The following NAALADL2 variants were observed in gnomAD, a reference collection of about 807,000 sequenced individuals.
The protein encoded by NAALADL2 is N-acetylated alpha-linked acidic dipeptidase like 2, also known as inactive N-acetylated-alpha-linked acidic dipeptidase-like protein 2.
NAALADL2 carries 76 observed loss-of-function variants against 87.2 expected under a neutral mutation model. The observed-to-expected ratio is 0.87, with a 90% CI of 0.72 to 1.05. NAALADL2 has a LOEUF of 1.05. NAALADL2 is among the 50% of genes least tolerant of loss of function. The pLI is 0.00. For missense variants in NAALADL2, 1,089 were observed against 945.8 expected, an observed-to-expected ratio of 1.15 and a Z score of -1.99; for synonymous variants, 354 against 331.0, an observed-to-expected ratio of 1.07 and a Z score of -0.75.
chr3:174,450,762 C>T (rs534345131), intron 1 of NAALADL2, among the ~76,000 whole-genome samples: 67 of 149,930 alleles, frequency 4.5e-4, no homozygotes, highest in African/African-American at 1.5e-3. Flanking sequence ...CCCAGCTACT[C>T]GGGAGGCTGA....
chr3:175,402,537 C>G (rs1334541336), intron 5 of NAALADL2, among the ~76,000 whole-genome samples: 15 of 152,016 alleles, frequency 9.9e-5, no homozygotes. Context: ...TACCTCCAGC[C>G]TCATCTATTT....
At chr3:175,004,497 G>T (rs1235416530) in intron 1 of NAALADL2, among the ~76,000 whole-genome samples, 1 of 151,748 alleles carries the variant, frequency 6.6e-6, no homozygotes, top group Non-Finnish European at 1.5e-5. Flanking sequence ...GTATTGTGGG[G>T]ATGCTACTGT....
At chr3:174,980,641 T>A (rs970883917) in intron 1 of NAALADL2, among the ~76,000 whole-genome samples, 2 of 152,208 alleles carry the variant, frequency 1.3e-5, no homozygotes. Flanking sequence ...ATAAATATAC[T>A]AATTAATGTT....
chr3:175,051,121 C>T lies in NAALADL2; in HGVS notation c.44-45669C>T, dbSNP rs116347574. On this transcript the variant is annotated intron_variant, in intron 1 of 13. Transcript: ENST00000454872. ...AATGGCATAAAAAATTTACTGGGTCCTGTAGATTGAGGATGGGAAATTTTC... is the reference window on the plus strand; with the variant it reads ...AATGGCATAAAAAATTTACTGGGTCTTGTAGATTGAGGATGGGAAATTTTC... Among the ~76,000 whole-genome samples the T allele has an allele frequency of 8.3e-4, 126 of 152,236 alleles. 1 individual carries two copies. Among genetic ancestry groups the T allele is most frequent in the African/African-American group, 2.8e-3 (116 of 41,550 alleles).
chr3:175,173,348 A>G (rs929675001), intron 2 of NAALADL2, among the ~76,000 whole-genome samples: 14 of 142,344 alleles, frequency 9.8e-5, no homozygotes, highest in South Asian at 2.3e-4. Context: ...AAATAAATAA[A>G]TAAGCAAGCC....
chr3:175,312,855 G>T (rs562933834), intron 4 of NAALADL2, among the ~76,000 whole-genome samples: 1 of 152,310 alleles, frequency 6.6e-6, no homozygotes, highest in East Asian at 1.9e-4. Flanking sequence ...TTGACCTAAA[G>T]TTGACTCAAA....
chr3:175,562,792 A>G (rs1009138709), intron 9 of NAALADL2, among the ~76,000 whole-genome samples: 1 of 24,882 alleles, frequency 4.0e-5, no homozygotes, highest in Non-Finnish European at 2.4e-4. Flanking sequence ...AACCCAATTA[A>G]AAAAAGTCTT....
intron 2 of NAALADL2, among the ~76,000 whole-genome samples, chr3:175,175,178 A>T (rs1735529747): frequency 6.6e-6 from 1 of 152,034 alleles, no homozygotes; most frequent in Non-Finnish European, 1.5e-5. Context: ...ATAATCAATT[A>T]CCCTTTTTCC....
chr3:175,454,614 G>A (rs559764466), intron 6 of NAALADL2, among the ~76,000 whole-genome samples: 11 of 151,964 alleles, frequency 7.2e-5, no homozygotes, highest in African/African-American at 1.9e-4. Flanking sequence ...AGATAGCCTC[G>A]TAGTTTTATT....
At chr3:175,332,553 C>G (rs2112043) in intron 5 of NAALADL2, among the ~76,000 whole-genome samples, 68,007 of 152,004 alleles carry the variant, frequency 0.45, 16,620 homozygotes, top group African/African-American at 0.65. Flanking sequence ...CTCCTGCCTT[C>G]GCCTCCCAAA....
intron 12 of NAALADL2, among the ~76,000 whole-genome samples, chr3:175,751,125 A>G (rs1429443319): frequency 1.3e-5 from 2 of 152,136 alleles, no homozygotes; most frequent in East Asian, 1.9e-4. Flanking sequence ...CTACCATACT[A>G]TAAAAATTTA....
At chr3:175,133,660 C>A (rs7622925) in intron 2 of NAALADL2, among the ~76,000 whole-genome samples, 2 of 151,950 alleles carry the variant, frequency 1.3e-5, no homozygotes, top group Admixed American at 6.5e-5. Flanking sequence ...GCAGTGAGCC[C>A]AGATGGCAGC....
At chr3:175,745,166 A>T (rs888881025) in intron 12 of NAALADL2, among the ~76,000 whole-genome samples, 1 of 152,202 alleles carries the variant, frequency 6.6e-6, no homozygotes, top group Non-Finnish European at 1.5e-5. Flanking sequence ...AGAAAGAAGG[A>T]TAATTTACCA....
intron 2 of NAALADL2, among the ~76,000 whole-genome samples, chr3:174,687,090 A>G (rs1269625652): frequency 2.0e-5 from 3 of 152,030 alleles, no homozygotes; most frequent in Non-Finnish European, 4.4e-5. Context: ...ATGCCTGTAC[A>G]ATGGAATAGC....
chr3:175,683,327 GTAAAGATGTTCTTTAACT>G (rs1320923304), intron 11 of NAALADL2, among the ~76,000 whole-genome samples: 28 of 151,938 alleles, frequency 1.8e-4, no homozygotes, highest in African/African-American at 6.3e-4. Flanking sequence ...TAGCACATAG[GTAAAGATGTTCTTTAACT>G]TAAAGATTCA....
intron 11 of NAALADL2, among the ~76,000 whole-genome samples, chr3:175,632,611 A>T (rs369948226): frequency 6.6e-6 from 1 of 152,140 alleles, no homozygotes; most frequent in Middle Eastern, 3.2e-3. Flanking sequence ...GATATAGGAG[A>T]CATGAAATAG....
At chr3:174,879,205 A>C (rs1728887081) in intron 1 of NAALADL2, among the ~76,000 whole-genome samples, 1 of 152,114 alleles carries the variant, frequency 6.6e-6, no homozygotes, top group Non-Finnish European at 1.5e-5. Context: ...CATGGAGAAT[A>C]AGTAAGATAA....
At position 175,733,258 on chromosome 3, in the gene NAALADL2, G is replaced by A. The variant is rs111480673; in HGVS notation, c.1897-4048G>A. Among the ~76,000 whole-genome samples, 405 of 152,284 alleles carry A rather than the reference G, an allele frequency of 2.7e-3. 1 individual carries two copies. The highest frequency in any genetic ancestry group is 9.2e-3 in the African/African-American group (382 of 41,574). ...TACCGAAGACAAGGCAATTTACGAAGGAAAGAGGTTTAATGGAGAACTCAC... is the reference window on the plus strand; with the variant it reads ...TACCGAAGACAAGGCAATTTACGAAAGAAAGAGGTTTAATGGAGAACTCAC... On this transcript the variant is annotated intron_variant, in intron 11 of 13. Coordinates refer to ENST00000454872, the MANE Select transcript of NAALADL2 (RefSeq NM_207015.3).
intron 1 of NAALADL2, among the ~76,000 whole-genome samples, chr3:174,494,629 A>AT (rs1230598197): frequency 6.6e-6 from 1 of 151,978 alleles, no homozygotes; most frequent in African/African-American, 2.4e-5. Context: ...ATTAAAAAAA[A>AT]AAAAGAAGTA....
Sources: allele counts gnomAD v4.1 joint callset (sites outside exome capture counted in the v4.1 genomes callset), GRCh38; gene constraint gnomAD v4.1.1; transcripts MANE v1.5; gene names NCBI Gene and HGNC (gene_info 2026-07-23, HGNC 2026-07-21).